The following GALNTL6 variants were observed in gnomAD, a reference collection of about 807,000 sequenced individuals.
The protein encoded by GALNTL6 is polypeptide N-acetylgalactosaminyltransferase like 6, also known as polypeptide N-acetylgalactosaminyltransferase-like 6.
Under a neutral mutation model 73.7 loss-of-function variants are expected in GALNTL6, and 46 were observed. That is an observed-to-expected ratio of 0.62 (90% CI 0.49 to 0.80). GALNTL6 has a LOEUF of 0.80. Ranked by LOEUF, GALNTL6 falls within the 30% of genes least tolerant of loss-of-function variation. The pLI is 0.00. For missense variants in GALNTL6, 604 were observed against 755.0 expected, an observed-to-expected ratio of 0.80 and a Z score of 2.34; for synonymous variants, 259 against 263.7, an observed-to-expected ratio of 0.98 and a Z score of 0.17.
chr4:172,882,003 C>T (rs986123314), intron 7 of GALNTL6, among the ~76,000 whole-genome samples: 3 of 151,376 alleles, frequency 2.0e-5, no homozygotes, highest in Admixed American at 1.3e-4. Context: ...ATCCTTTAGA[C>T]CAGCACATAG....
intron 2 of GALNTL6, among the ~76,000 whole-genome samples, chr4:171,946,564 T>C (rs1486330199): frequency 6.6e-6 from 1 of 152,194 alleles, no homozygotes; most frequent in Non-Finnish European, 1.5e-5. Flanking sequence ...CTCATCGAGC[T>C]CGTCTTCTCA....
chr4:172,242,627 G>T (rs1298100127), intron 3 of GALNTL6, among the ~76,000 whole-genome samples: 5 of 152,052 alleles, frequency 3.3e-5, no homozygotes, highest in Admixed American at 1.3e-4. Flanking sequence ...ATGTCTTTTT[G>T]CTACTTCAAT....
intron 5 of GALNTL6, among the ~76,000 whole-genome samples, chr4:172,430,613 A>T (rs923197974): frequency 6.6e-6 from 1 of 152,088 alleles, no homozygotes; most frequent in African/African-American, 2.4e-5. Context: ...TAGGAGACAT[A>T]ATGAGATCGT....
At chr4:172,740,960 A>G (rs1736769263) in intron 5 of GALNTL6, among the ~76,000 whole-genome samples, 1 of 152,190 alleles carries the variant, frequency 6.6e-6, no homozygotes, top group Non-Finnish European at 1.5e-5. Context: ...TGAATGGCCA[A>G]TTAAAGTGTG....
intron 2 of GALNTL6, among the ~76,000 whole-genome samples, chr4:172,000,351 A>G (rs1204148162): frequency 2.6e-5 from 4 of 152,220 alleles, no homozygotes; most frequent in African/African-American, 9.6e-5. Context: ...ACTTGAGTTC[A>G]TTCTGGAGGA....
intron 5 of GALNTL6, among the ~76,000 whole-genome samples, chr4:172,685,637 C>G (rs1250404752): frequency 1.3e-5 from 2 of 152,158 alleles, no homozygotes; most frequent in Non-Finnish European, 2.9e-5. Flanking sequence ...CTATAACCAT[C>G]TCATCCACCC....
intron 2 of GALNTL6, among the ~76,000 whole-genome samples, chr4:172,209,698 A>G (rs1239180772): frequency 1.3e-5 from 2 of 152,058 alleles, no homozygotes; most frequent in Non-Finnish European, 2.9e-5. Flanking sequence ...TTATATTAGT[A>G]AGACTGCCTC....
intron 2 of GALNTL6, among the ~76,000 whole-genome samples, chr4:171,852,747 T>C (rs1735554247): frequency 6.6e-6 from 1 of 151,994 alleles, no homozygotes; most frequent in African/African-American, 2.4e-5. Flanking sequence ...TAGAGAAAAT[T>C]ATGGGATGTA....
chr4:172,297,766 A>G (rs1327039935), intron 3 of GALNTL6, among the ~76,000 whole-genome samples: 3 of 152,104 alleles, frequency 2.0e-5, no homozygotes, highest in African/African-American at 7.2e-5. Flanking sequence ...CTTGTAGTAT[A>G]GTTTGAAGTC....
chr4:173,004,010 A>G (rs1189057082), intron 10 of GALNTL6, among the ~76,000 whole-genome samples: 3 of 152,190 alleles, frequency 2.0e-5, no homozygotes, highest in Non-Finnish European at 4.4e-5. Flanking sequence ...CTTTCATTCA[A>G]AATCACTCTC....
chr4:171,973,167 T>C (rs1003890914), intron 2 of GALNTL6, among the ~76,000 whole-genome samples: 1 of 152,184 alleles, frequency 6.6e-6, no homozygotes, highest in Non-Finnish European at 1.5e-5. Flanking sequence ...AAGTGTCAGA[T>C]ATAGTGTTTC....
intron 5 of GALNTL6, among the ~76,000 whole-genome samples, chr4:172,797,635 G>C (rs1045070677): frequency 6.6e-6 from 1 of 151,888 alleles, no homozygotes; most frequent in East Asian, 1.9e-4. Context: ...TCAGCCTCCC[G>C]GGTTCAGATT....
At chr4:172,299,002 T>A (rs1441561544) in intron 3 of GALNTL6, among the ~76,000 whole-genome samples, 1 of 152,098 alleles carries the variant, frequency 6.6e-6, no homozygotes, top group Non-Finnish European at 1.5e-5. Context: ...GGTCCTGGAC[T>A]TTTTTTGGTT....
At chr4:172,791,107 G>A (rs113893654) in intron 5 of GALNTL6, among the ~76,000 whole-genome samples, 5,710 of 152,092 alleles carry the variant, frequency 0.038, 361 homozygotes, top group African/African-American at 0.13. Flanking sequence ...AAGAAAATGG[G>A]GAAGACAATG....
chr4:171,848,953 G>A (rs1268396564), intron 2 of GALNTL6, among the ~76,000 whole-genome samples: 2 of 151,942 alleles, frequency 1.3e-5, no homozygotes, highest in Non-Finnish European at 2.9e-5. Context: ...ATAAATGTAA[G>A]AGGTACAAGT....
intron 9 of GALNTL6, among the ~76,000 whole-genome samples, chr4:172,946,437 A>C (rs527816370): frequency 6.6e-6 from 1 of 152,324 alleles, no homozygotes; most frequent in East Asian, 1.9e-4. Context: ...ATGCAGTTTC[A>C]CAAGCCAGCA....
intron 11 of GALNTL6, 43 bp downstream of exon 11, chr4:173,009,337 G>T (rs1561083899): frequency 8.0e-6 from 9 of 1,127,446 alleles, no homozygotes; most frequent in Non-Finnish European, 1.2e-5. Flanking sequence ...AACCAGTCGG[G>T]GGCTGATGCA....
At chr4:172,911,385 A>C (rs780800315) in intron 8 of GALNTL6, among the ~76,000 whole-genome samples, 1 of 152,180 alleles carries the variant, frequency 6.6e-6, no homozygotes, top group Non-Finnish European at 1.5e-5. Context: ...TTTATGAGAC[A>C]GTTGTATTAG....
At chr4:172,029,959 C>A (rs1430058235) in intron 2 of GALNTL6, among the ~76,000 whole-genome samples, 2 of 152,138 alleles carry the variant, frequency 1.3e-5, no homozygotes, top group South Asian at 2.1e-4. Context: ...GCTAATAACC[C>A]TTATTAGGTA....
Sources: allele counts gnomAD v4.1 joint callset (sites outside exome capture counted in the v4.1 genomes callset), GRCh38; gene constraint gnomAD v4.1.1; transcripts MANE v1.5; gene names NCBI Gene and HGNC (gene_info 2026-07-23, HGNC 2026-07-21).